Variants in NFATC1 observed in about 807,000 individuals in gnomAD.
NFATC1 encodes the protein nuclear factor of activated T cells 1.
Under a neutral mutation model 76.0 loss-of-function variants are expected in NFATC1, and 22 were observed. The ratio of observed to expected loss-of-function variants is 0.29; its 90% CI spans 0.21 to 0.41. NFATC1 has a LOEUF of 0.41. NFATC1 is among the 10% of genes least tolerant of loss of function. The pLI, the probability that NFATC1 is intolerant of heterozygous loss-of-function variation, is 1.00. For synonymous variants in NFATC1, 704 were observed against 613.1 expected, an observed-to-expected ratio of 1.15 and a Z score of -2.19; for missense variants, 1,357 against 1,337.7, an observed-to-expected ratio of 1.01 and a Z score of -0.23.
intron 2 of NFATC1, among the ~76,000 whole-genome samples, chr18:79,428,402 CG>C (rs1321376140): frequency 1.3e-5 from 2 of 152,188 alleles, no homozygotes; most frequent in African/African-American, 4.8e-5. Flanking sequence ...AAGCGCACCC[CG>C]GACCCTAGTG....
intron 3 of NFATC1, among the ~76,000 whole-genome samples, chr18:79,436,197 C>CT (rs2086769160): frequency 6.6e-6 from 1 of 152,234 alleles, no homozygotes. Context: ...GACGCGGCCC[C>CT]TTTCCCGCTT....
At chr18:79,482,001 G>A (rs1300227593) in intron 8 of NFATC1, among the ~76,000 whole-genome samples, 1 of 139,824 alleles carries the variant, frequency 7.2e-6, no homozygotes, top group Non-Finnish European at 1.5e-5. Context: ...GTCCTGGGGT[G>A]TCATTCCAGT....
chr18:79,492,985 C>A (rs2145096188), intron 9 of NFATC1, among the ~76,000 whole-genome samples: 1 of 149,272 alleles, frequency 6.7e-6, no homozygotes, highest in African/African-American at 2.5e-5. Context: ...AAGTGCTTGA[C>A]CCATAAATAA....
rs568172896 is a variant in NFATC1 at position 79,441,192 on chromosome 18, T to C, written c.1386+7454T>C. Among the ~76,000 whole-genome samples, 294 of 152,204 alleles carry C rather than the reference T, an allele frequency of 1.9e-3. 1 individual carries two copies. The highest frequency in any genetic ancestry group is 3.5e-3 in the East Asian group (18 of 5,154). On this transcript the variant is annotated intron_variant, in intron 3 of 9. Coordinates refer to ENST00000427363, the MANE Select transcript of NFATC1 (RefSeq NM_001278669.2). ...GGAAATAGAAGGTTTCACCCGGAGA[T>C]TGGGGAGTGCAGGGCTGTGGCGCTG...
intron 9 of NFATC1, among the ~76,000 whole-genome samples, chr18:79,522,947 T>C (rs1350881296): frequency 6.6e-6 from 1 of 152,224 alleles, no homozygotes; most frequent in Non-Finnish European, 1.5e-5. Context: ...GGCAGGTGGC[T>C]GTTCAGGGCC....
At chr18:79,503,498 C>T (rs1211335558) in intron 9 of NFATC1, among the ~76,000 whole-genome samples, 2 of 152,220 alleles carry the variant, frequency 1.3e-5, no homozygotes, top group African/African-American at 2.4e-5. Context: ...CAATGGTGGG[C>T]TTAAAACCTT....
intron 8 of NFATC1, among the ~76,000 whole-genome samples, chr18:79,476,492 G>A (rs1021693808): frequency 6.6e-6 from 1 of 152,230 alleles, no homozygotes; most frequent in African/African-American, 2.4e-5. Flanking sequence ...GAGCAGCACG[G>A]GGCCACCACA....
intron 3 of NFATC1, among the ~76,000 whole-genome samples, chr18:79,434,470 G>C (rs1168989244): frequency 1.3e-5 from 2 of 152,356 alleles, no homozygotes; most frequent in African/African-American, 4.8e-5. Context: ...GTGGATCCCG[G>C]GTAGCCGTGG....
Position 79,486,252 on chromosome 18 carries a change from A to G in NFATC1, c.2097A>G (p.Pro699=). The G allele has an allele frequency of 6.3e-7, 1 of 1,595,458 alleles. No individual in the cohort carries two copies. The highest frequency in any genetic ancestry group is 8.6e-7 in the Non-Finnish European group (1 of 1,167,830). ...QRFTYLPANV[P]IIKTEPTDDY... ...TTTTTTTTTTCCTTCTCACAGTTCC[A>G]ATTATAAAAACAGAACCCACTGATG... The change falls in exon 9 of 10, where the codon CCA becomes CCG. Residue 699 remains proline (P), a synonymous_variant. Transcript: ENST00000427363.
At chr18:79,499,901 C>T (rs1179614880) in intron 9 of NFATC1, among the ~76,000 whole-genome samples, 6 of 152,158 alleles carry the variant, frequency 3.9e-5, no homozygotes, top group Admixed American at 3.9e-4. Flanking sequence ...GTCATGTTCT[C>T]TTTGATCTTA....
rs1402083368 is a variant in NFATC1 at position 79,527,511 on chromosome 18, T to C, written c.2783-17T>C. The C allele has an allele frequency of 6.2e-7, 1 of 1,610,136 alleles. No individual in the cohort carries two copies. The highest frequency in any genetic ancestry group is 2.2e-5 in the East Asian group (1 of 44,876). On this transcript the variant is annotated splice_polypyrimidine_tract_variant and intron_variant, in intron 9 of 9. Transcript: ENST00000427363. ...TGGTATTTCTCTAATACTTTCTCAATTTTTCTTTTCTTACAGTAAATGAAA... is the reference window on the plus strand; with the variant it reads ...TGGTATTTCTCTAATACTTTCTCAACTTTTCTTTTCTTACAGTAAATGAAA...
At chr18:79,411,730 C>T (rs910411544) in intron 2 of NFATC1, among the ~76,000 whole-genome samples, 12 of 152,328 alleles carry the variant, frequency 7.9e-5, no homozygotes, top group African/African-American at 2.4e-4. Flanking sequence ...TCCGTCTGCG[C>T]GTTTCCCATC....
At chr18:79,406,447 G>T (rs539434996) in intron 1 of NFATC1, among the ~76,000 whole-genome samples, 1 of 152,086 alleles carries the variant, frequency 6.6e-6, no homozygotes, top group African/African-American at 2.4e-5. Flanking sequence ...TCGGATCCAC[G>T]CTGCCATCGT....
chr18:79,486,217 GTTTA>G (rs1368099949), intron 8 of NFATC1, 27 bp from the exon 9 acceptor site: 108 of 1,581,838 alleles, frequency 6.8e-5, no homozygotes, highest in Non-Finnish European at 8.6e-5. Context: ...CGCAACTTGT[GTTTA>G]TTTAATTTTT....
chr18:79,470,128 A>G (rs563524206), intron 8 of NFATC1: 147 of 418,800 alleles, frequency 3.5e-4, no homozygotes, highest in African/African-American at 3.0e-3. Flanking sequence ...CGTGCTGTGC[A>G]TCTGTGTCTT....
intron 1 of NFATC1, among the ~76,000 whole-genome samples, chr18:79,397,846 T>G (rs62096865): frequency 6.6e-6 from 1 of 152,032 alleles, no homozygotes; most frequent in African/African-American, 2.4e-5. Flanking sequence ...TGTTTCCTAC[T>G]GAAGAAAATA....
In NFATC1 at chr18:79,451,695, G is replaced by A. The variant is rs1168741281; in HGVS notation, c.1782G>A (p.Glu594=). Residue 594 remains glutamate (E), a synonymous_variant, in exon 6 of 10, where the codon GAG becomes GAA. Coordinates refer to ENST00000427363, the MANE Select transcript of NFATC1 (RefSeq NM_001278669.2). ...ATGCAGCCCAGCGCTCAGCTCAGGA[G>A]CTGCCTCTGGTGGAGAAGCAGAGCA... ...PIECSQRSAQ[E]LPLVEKQSTD... 2.5e-6 allele frequency: 4 copies of A among 1,611,500 alleles called. No individual in the cohort carries two copies. The highest frequency in any genetic ancestry group is 3.4e-6 in the Non-Finnish European group (4 of 1,179,050).
chr18:79,523,180 G>A (rs1052723804), intron 9 of NFATC1, among the ~76,000 whole-genome samples: 3 of 152,238 alleles, frequency 2.0e-5, no homozygotes, highest in Non-Finnish European at 2.9e-5. Flanking sequence ...ATGGTAGTTT[G>A]TTCATTCCTT....
At chr18:79,437,306 T>C (rs779074722) in intron 3 of NFATC1, among the ~76,000 whole-genome samples, 3 of 152,240 alleles carry the variant, frequency 2.0e-5, no homozygotes, top group Non-Finnish European at 2.9e-5. Flanking sequence ...AGGACTCACC[T>C]TGCCCTGGTA....
Sources: gnomAD v4.1 joint callset for allele counts (sites outside exome capture counted in the v4.1 genomes callset) on GRCh38, gnomAD v4.1.1 for gene constraint, MANE v1.5 for transcripts, NCBI Gene and HGNC (gene_info 2026-07-23, HGNC 2026-07-21) for gene names.